SUPT3H: variants seen among roughly 807,000 people sequenced by gnomAD.
The protein encoded by SUPT3H is SPT3 homolog, SAGA and STAGA complex component.
SUPT3H carries 44 observed loss-of-function variants against 44.3 expected under a neutral mutation model. The ratio of observed to expected loss-of-function variants is 0.99; its 90% CI spans 0.78 to 1.28. SUPT3H has a LOEUF of 1.28. SUPT3H is among the 50% of genes most tolerant of loss of function. SUPT3H has a pLI of 0.00. For synonymous variants in SUPT3H, 124 were observed against 125.6 expected, an observed-to-expected ratio of 0.99 and a Z score of 0.09; for missense variants, 380 against 387.1, an observed-to-expected ratio of 0.98 and a Z score of 0.15.
chr6:44,999,047 A>T (rs886263490), intron 6 of SUPT3H, among the ~76,000 whole-genome samples: 18 of 151,850 alleles, frequency 1.2e-4, no homozygotes, highest in African/African-American at 4.1e-4. Context: ...TTTAATTTTC[A>T]ATCAGTCAAG....
chr6:45,365,067 ACAGT>A lies in SUPT3H; in HGVS notation c.101+130_101+133del. 8.3e-6 allele frequency: 5 copies of A among 603,854 alleles called. No individual in the cohort carries two copies. The South Asian group carries it at 1.8e-4, about 22-fold the overall frequency. The allele number at this position is 603,854 out of a possible 1,614,324, so 37.4% of individuals were successfully genotyped here. ...ACATATGGCAATTTAAAATGTTACC[ACAGT>A]ATTTCATTTTTACTTGATTAATAAC... is the stretch of plus-strand genomic sequence containing the variant. On this transcript the variant is annotated intron_variant, in intron 2 of 10. Transcript: ENST00000371459.
chr6:44,836,228 CTT>C (rs917631630), intron 10 of SUPT3H, among the ~76,000 whole-genome samples: 5 of 152,110 alleles, frequency 3.3e-5, no homozygotes, highest in Non-Finnish European at 5.9e-5. Flanking sequence ...TGCCATGTGA[CTT>C]TTCTCCTTTT....
chr6:45,185,248 CTGT>C (rs766355014), intron 2 of SUPT3H, among the ~76,000 whole-genome samples: 15 of 152,140 alleles, frequency 9.9e-5, no homozygotes, highest in Non-Finnish European at 1.9e-4. Context: ...GCCACTATGT[CTGT>C]TGTTAGTGGG....
At chr6:45,064,809 G>C (rs1281118472) in intron 3 of SUPT3H, among the ~76,000 whole-genome samples, 1 of 148,528 alleles carries the variant, frequency 6.7e-6, no homozygotes, top group African/African-American at 2.5e-5. Flanking sequence ...GATTCATAAA[G>C]CAAGTCCTGA....
At chr6:45,267,547 A>C (rs1215971204) in intron 2 of SUPT3H, among the ~76,000 whole-genome samples, 1 of 152,264 alleles carries the variant, frequency 6.6e-6, no homozygotes, top group Non-Finnish European at 1.5e-5. Context: ...AATTATTTTA[A>C]AAACTTGGCT....
chr6:45,322,170 A>G (rs972192894), intron 2 of SUPT3H, among the ~76,000 whole-genome samples: 1 of 151,960 alleles, frequency 6.6e-6, no homozygotes, highest in Non-Finnish European at 1.5e-5. Context: ...TTATTTTTAA[A>G]CATATTCAAA....
intron 2 of SUPT3H, among the ~76,000 whole-genome samples, chr6:45,294,785 C>T (rs952854199): frequency 8.1e-6 from 1 of 123,792 alleles, no homozygotes; most frequent in East Asian, 2.5e-4. Context: ...TATACCTAAC[C>T]AAGGAGGTGA....
At chr6:44,847,463 A>C (rs1188551708) in intron 10 of SUPT3H, among the ~76,000 whole-genome samples, 1 of 152,108 alleles carries the variant, frequency 6.6e-6, no homozygotes, top group Non-Finnish European at 1.5e-5. Flanking sequence ...TAATTTTTAA[A>C]TGGAAACTTA....
At chr6:45,159,240 A>G (rs947068160) in intron 2 of SUPT3H, 9 of 152,232 alleles carry the variant, frequency 5.9e-5, no homozygotes, top group African/African-American at 1.7e-4. Context: ...CCAATGATGC[A>G]ATATGGGATT....
intron 3 of SUPT3H, among the ~76,000 whole-genome samples, chr6:45,035,576 C>T (rs527243716): frequency 6.6e-6 from 1 of 152,158 alleles, no homozygotes; most frequent in East Asian, 1.9e-4. Context: ...TGATTACTTC[C>T]CTACCTCCAT....
chr6:44,839,713 C>CT (rs1770576603), intron 10 of SUPT3H, among the ~76,000 whole-genome samples: 1 of 149,424 alleles, frequency 6.7e-6, no homozygotes, highest in Non-Finnish European at 1.5e-5. Context: ...TTTTTTTTTT[C>CT]TTTTTTGAGA....
At chr6:45,068,984 A>AAT (rs1562389248) in intron 3 of SUPT3H, among the ~76,000 whole-genome samples, 2 of 151,536 alleles carry the variant, frequency 1.3e-5, no homozygotes, top group Non-Finnish European at 2.9e-5. Context: ...TTGCAAAAAA[A>AAT]AAAAAATAAA....
chr6:45,345,983 CCTCA>C (rs1366997654), intron 2 of SUPT3H, among the ~76,000 whole-genome samples: 5 of 152,140 alleles, frequency 3.3e-5, no homozygotes, highest in East Asian at 1.9e-4. Flanking sequence ...CCCTACCTAT[CCTCA>C]CTGTCACCCT....
chr6:44,940,989 A>T (rs1241208942), intron 9 of SUPT3H, among the ~76,000 whole-genome samples: 1 of 152,060 alleles, frequency 6.6e-6, no homozygotes, highest in Non-Finnish European at 1.5e-5. Flanking sequence ...CATATAGTTA[A>T]ATCATGTTTT....
chr6:45,174,257 T>C (rs1056948695), intron 2 of SUPT3H, among the ~76,000 whole-genome samples: 1 of 152,214 alleles, frequency 6.6e-6, no homozygotes, highest in Non-Finnish European at 1.5e-5. Context: ...ATAGGCAAGA[T>C]TACCCATTGA....
chr6:45,296,185 T>TGCACACACACACAC (rs1781183730), intron 2 of SUPT3H, among the ~76,000 whole-genome samples: 1 of 140,454 alleles, frequency 7.1e-6, no homozygotes, highest in Non-Finnish European at 1.5e-5. Context: ...ATACACATAC[T>TGCACACACACACAC]ACACACACAC....
intron 2 of SUPT3H, among the ~76,000 whole-genome samples, chr6:45,287,671 G>C (rs1452128425): frequency 6.6e-6 from 1 of 152,256 alleles, no homozygotes; most frequent in Non-Finnish European, 1.5e-5. Context: ...AGATGAAAAA[G>C]TTCTGGAGAT....
chr6:44,821,843 G>A (rs1267826895), downstream of SUPT3H, among the ~76,000 whole-genome samples: 1 of 152,066 alleles, frequency 6.6e-6, no homozygotes, highest in Non-Finnish European at 1.5e-5. Flanking sequence ...GGAGACAATG[G>A]CAATTATGAT....
chr6:45,116,556 T>C (rs990044867), intron 2 of SUPT3H, among the ~76,000 whole-genome samples: 1 of 152,124 alleles, frequency 6.6e-6, no homozygotes, highest in African/African-American at 2.4e-5. Flanking sequence ...AAATTCTGGG[T>C]TTTTAAAAAT....
Sources: allele counts gnomAD v4.1 joint callset (sites outside exome capture counted in the v4.1 genomes callset), GRCh38; gene constraint gnomAD v4.1.1; transcripts MANE v1.5; gene names NCBI Gene and HGNC (gene_info 2026-07-23, HGNC 2026-07-21).